GABRA5: variants seen among roughly 807,000 people sequenced by gnomAD.
The protein encoded by GABRA5 is gamma-aminobutyric acid type A receptor subunit alpha5.
In GABRA5, 18 loss-of-function variants were observed where a neutral mutation model predicts 47.3. The ratio of observed to expected loss-of-function variants is 0.38; its 90% CI spans 0.26 to 0.56. The LOEUF is 0.56. Ranked by LOEUF, GABRA5 falls within the 20% of genes least tolerant of loss-of-function variation. The probability of loss-of-function intolerance (pLI) is 0.71; values close to 1 mark genes in which losing one functional copy is unlikely to be tolerated. For synonymous variants in GABRA5, 237 were observed against 229.3 expected (o/e 1.03, Z -0.30); for missense variants, 365 against 599.3 (o/e 0.61, Z 4.08).
At chr15:26,938,090 G>C (rs1304737257) in intron 8 of GABRA5, among the ~76,000 whole-genome samples, 1 of 152,246 alleles carries the variant, frequency 6.6e-6, no homozygotes, top group Non-Finnish European at 1.5e-5. Context: ...TCAGGGGAAC[G>C]CTCTGTCAGC....
intron 3 of GABRA5, among the ~76,000 whole-genome samples, chr15:26,869,627 A>G (rs981029251): frequency 6.6e-6 from 1 of 152,248 alleles, no homozygotes; most frequent in African/African-American, 2.4e-5. Context: ...CTTCCTACTC[A>G]GGTTAAAACA....
intron 7 of GABRA5, among the ~76,000 whole-genome samples, chr15:26,935,543 C>T (rs1490797899): frequency 6.6e-6 from 1 of 152,238 alleles, no homozygotes; most frequent in Non-Finnish European, 1.5e-5. Flanking sequence ...CAGGCACGTG[C>T]CCCTGGTCTC....
chr15:26,895,168 G>A (rs1595406847), intron 6 of GABRA5, among the ~76,000 whole-genome samples: 1 of 151,914 alleles, frequency 6.6e-6, no homozygotes, highest in East Asian at 2.0e-4. Context: ...ACCACGTCCT[G>A]ACCCCACCTG....
intron 6 of GABRA5, among the ~76,000 whole-genome samples, chr15:26,895,826 A>AAAAAAAAAAG (rs1458730535): frequency 1.5e-5 from 2 of 136,018 alleles, no homozygotes; most frequent in African/African-American, 5.7e-5. Context: ...AAAAAAAAAA[A>AAAAAAAAAAG]AAGAAGAAGA....
Position 26,880,923 on chromosome 15 carries a change from G to T in GABRA5, c.164G>T (p.Gly55Val). The change falls in exon 4 of 11, where the codon GGG becomes GTG. Residue 55 changes from glycine (G) to valine (V), a missense_variant. Coordinates refer to ENST00000335625, the MANE Select transcript of GABRA5 (RefSeq NM_000810.4). Reference sequence around the variant, plus strand: ...ACGATATTTACCAGGATCTTGGATGGGCTCTTGGATGGCTACGACAACAGA... The same window carrying T: ...ACGATATTTACCAGGATCTTGGATGTGCTCTTGGATGGCTACGACAACAGA... ...NITIFTRILD[G>V]LLDGYDNRLR... The T allele has an allele frequency of 6.2e-7, 1 of 1,613,926 alleles. No individual in the cohort carries two copies. Among genetic ancestry groups the T allele is most frequent in the Non-Finnish European group, 8.5e-7 (1 of 1,179,874 alleles).
At chr15:26,910,070 G>GTT (rs5811464) in intron 6 of GABRA5, among the ~76,000 whole-genome samples, 33,094 of 150,980 alleles carry the variant, frequency 0.22, 3,630 homozygotes, top group African/African-American at 0.27. Flanking sequence ...TGAAATAAAT[G>GTT]TTTTTTTTTC....
intron 6 of GABRA5, among the ~76,000 whole-genome samples, chr15:26,904,059 G>A (rs1005031502): frequency 2.0e-5 from 3 of 151,952 alleles, no homozygotes; most frequent in African/African-American, 7.3e-5. Flanking sequence ...GACTAGAATG[G>A]TATTGCCTAG....
intron 9 of GABRA5, 90 bp from the exon 10 acceptor site, chr15:26,943,125 C>A: frequency 1.2e-6 from 1 of 824,918 alleles, no homozygotes; most frequent in Non-Finnish European, 1.9e-6. Context: ...CCCTTTGTGT[C>A]TATCACTTTG....
In GABRA5 at chr15:26,869,311, C is replaced by T; in HGVS notation, c.63C>T (p.Ser21=). The change falls in exon 3 of 11, where the codon TCC becomes TCT. Residue 21 remains serine (S), a synonymous_variant. Coordinates refer to ENST00000335625, the MANE Select transcript of GABRA5 (RefSeq NM_000810.4). The part of the protein sequence containing the change: ...MIKNLLLFCI[S]MNLSSHFGFS... ...AAAACCTCCTTCTCTTTTGTATTTC[C>T]ATGAACTTATCCAGTCACTTTGGGT... 6.2e-7 allele frequency: 1 copy of T among 1,606,038 alleles called. No individual in the cohort carries two copies. Among genetic ancestry groups the T allele is most frequent in the South Asian group, 1.1e-5 (1 of 90,900 alleles).
At chr15:26,874,049 AG>A (rs1179529640) in intron 3 of GABRA5, among the ~76,000 whole-genome samples, 2 of 152,218 alleles carry the variant, frequency 1.3e-5, no homozygotes, top group Non-Finnish European at 2.9e-5. Flanking sequence ...CTCTCCGCCA[AG>A]ACTGTCTGGC....
intron 6 of GABRA5, among the ~76,000 whole-genome samples, chr15:26,885,708 T>A (rs895902908): frequency 6.6e-6 from 1 of 152,138 alleles, no homozygotes; most frequent in Non-Finnish European, 1.5e-5. Context: ...TGAGAATAAG[T>A]CCTTAGCCAT....
chr15:26,892,395 C>G (rs1383343089), intron 6 of GABRA5, among the ~76,000 whole-genome samples: 1 of 151,962 alleles, frequency 6.6e-6, no homozygotes, highest in Non-Finnish European at 1.5e-5. Flanking sequence ...GCTCCCTTCT[C>G]CGGGCCCTAC....
intron 6 of GABRA5, among the ~76,000 whole-genome samples, chr15:26,884,782 G>C (rs1892832043): frequency 6.6e-6 from 1 of 152,206 alleles, no homozygotes; most frequent in Non-Finnish European, 1.5e-5. Flanking sequence ...CCTGTAGCCT[G>C]GGAGCCGCCT....
At chr15:26,925,223 ATCT>A (rs1893932546) in intron 7 of GABRA5, among the ~76,000 whole-genome samples, 1 of 151,340 alleles carries the variant, frequency 6.6e-6, no homozygotes, top group South Asian at 2.1e-4. Flanking sequence ...TTTCTGTCTC[ATCT>A]TCTTCCTCTT....
intron 3 of GABRA5, chr15:26,877,790 T>G (rs954378646): frequency 5.2e-6 from 2 of 387,896 alleles, no homozygotes; most frequent in East Asian, 1.6e-4. Context: ...AAATAATTCC[T>G]ATTTTAAGAG....
At chr15:26,925,884 C>T (rs773097399) in intron 7 of GABRA5, among the ~76,000 whole-genome samples, 2 of 152,176 alleles carry the variant, frequency 1.3e-5, no homozygotes, top group African/African-American at 2.4e-5. Flanking sequence ...AGGTGGTTCT[C>T]GCGCTGGAGT....
chr15:26,896,256 A>G (rs1893191868), intron 6 of GABRA5, among the ~76,000 whole-genome samples: 1 of 152,176 alleles, frequency 6.6e-6, no homozygotes, highest in Non-Finnish European at 1.5e-5. Flanking sequence ...AAGCTTTACA[A>G]AAGAGGTGTA....
intron 6 of GABRA5, among the ~76,000 whole-genome samples, chr15:26,894,404 G>A (rs2140272297): frequency 6.6e-6 from 1 of 152,250 alleles, no homozygotes. Context: ...GTGGGTCCCC[G>A]GGTGAGATGG....
At chr15:26,896,252 TA>T (rs1251830282) in intron 6 of GABRA5, among the ~76,000 whole-genome samples, 1 of 152,182 alleles carries the variant, frequency 6.6e-6, no homozygotes, top group Non-Finnish European at 1.5e-5. Context: ...AAAAAAGCTT[TA>T]CAAAAGAGGT....
Sources: allele counts gnomAD v4.1 joint callset (sites outside exome capture counted in the v4.1 genomes callset), GRCh38; gene constraint gnomAD v4.1.1; transcripts MANE v1.5; gene names NCBI Gene and HGNC (gene_info 2026-07-23, HGNC 2026-07-21).